Variants in NCKAP5 observed in about 807,000 individuals in gnomAD.
NCKAP5 encodes the protein NCK associated protein 5.
In NCKAP5, 92 loss-of-function variants were observed where a neutral mutation model predicts 167.0. The observed-to-expected ratio is 0.55, with a 90% CI of 0.47 to 0.66. NCKAP5 has a LOEUF of 0.66. NCKAP5 is among the 30% of genes least tolerant of loss of function. NCKAP5 has a pLI of 0.00. For missense variants in NCKAP5, 2,378 were observed against 2,315.0 expected, an observed-to-expected ratio of 1.03 and a Z score of -0.56; for synonymous variants, 891 against 877.4, an observed-to-expected ratio of 1.02 and a Z score of -0.27.
intron 3 of NCKAP5, among the ~76,000 whole-genome samples, chr2:133,349,384 C>G (rs1304060966): frequency 2.6e-5 from 4 of 152,232 alleles, no homozygotes; most frequent in Non-Finnish European, 5.9e-5. Context: ...ACACCTGGTT[C>G]ATACTCAGCC....
At chr2:133,316,515 T>C (rs1020079525) in intron 3 of NCKAP5, among the ~76,000 whole-genome samples, 1 of 152,198 alleles carries the variant, frequency 6.6e-6, no homozygotes, top group Non-Finnish European at 1.5e-5. Flanking sequence ...CTTCCTGCAG[T>C]GTGAGGAGAT....
chr2:133,208,851 T>C (rs1200882441), intron 5 of NCKAP5, among the ~76,000 whole-genome samples: 1 of 152,166 alleles, frequency 6.6e-6, no homozygotes, highest in African/African-American at 2.4e-5. Flanking sequence ...TCATTTTCTA[T>C]TTTCAGGACT....
chr2:133,061,345 A>G (rs979271941), intron 6 of NCKAP5, among the ~76,000 whole-genome samples: 1 of 152,222 alleles, frequency 6.6e-6, no homozygotes, highest in Non-Finnish European at 1.5e-5. Context: ...CACGCTAGGC[A>G]CCGTACTATA....
chr2:133,526,029 A>T (rs1434637927), intron 2 of NCKAP5, among the ~76,000 whole-genome samples: 2 of 152,154 alleles, frequency 1.3e-5, no homozygotes, highest in East Asian at 3.8e-4. Context: ...CTCTGTTGGT[A>T]TAATCACTCA....
intron 5 of NCKAP5, among the ~76,000 whole-genome samples, chr2:133,197,595 G>A (rs1394578596): frequency 6.6e-6 from 1 of 151,934 alleles, no homozygotes; most frequent in African/African-American, 2.4e-5. Context: ...TGACACAGAT[G>A]TTGGTTTAAA....
At chr2:133,052,050 T>C (rs1298230018) in intron 6 of NCKAP5, among the ~76,000 whole-genome samples, 1 of 152,222 alleles carries the variant, frequency 6.6e-6, no homozygotes, top group Non-Finnish European at 1.5e-5. Context: ...TCTCTGTGCC[T>C]ACTAGCTACC....
At chr2:132,967,865 G>A (rs1330431962) in intron 7 of NCKAP5, among the ~76,000 whole-genome samples, 1 of 152,200 alleles carries the variant, frequency 6.6e-6, no homozygotes, top group East Asian at 1.9e-4. Context: ...ATAGAGAGTG[G>A]TGTGGTTAGG....
intron 7 of NCKAP5, among the ~76,000 whole-genome samples, chr2:132,978,069 G>C (rs1335357496): frequency 2.0e-5 from 3 of 152,076 alleles, no homozygotes; most frequent in Non-Finnish European, 2.9e-5. Flanking sequence ...AGAGAGGAAA[G>C]GAAATTTAGA....
At chr2:133,058,519 G>A (rs1357197074) in intron 6 of NCKAP5, among the ~76,000 whole-genome samples, 3 of 152,134 alleles carry the variant, frequency 2.0e-5, no homozygotes, top group Non-Finnish European at 4.4e-5. Context: ...AACCTTCAGT[G>A]GTATAAGTAA....
chr2:132,975,208 T>C (rs969551647), intron 7 of NCKAP5, among the ~76,000 whole-genome samples: 6 of 152,236 alleles, frequency 3.9e-5, no homozygotes, highest in Admixed American at 3.3e-4. Flanking sequence ...GCAAAACATA[T>C]AAAACTCTTC....
chr2:132,794,341 C>G (rs78046384), intron 12 of NCKAP5, among the ~76,000 whole-genome samples: 24,219 of 95,104 alleles, frequency 0.25, 2,758 homozygotes, highest in Middle Eastern at 0.39. Context: ...GAGAGAGAGA[C>G]AGAGACAGAG....
chr2:133,297,591 C>T (rs1680060025), intron 4 of NCKAP5, among the ~76,000 whole-genome samples: 1 of 152,136 alleles, frequency 6.6e-6, no homozygotes, highest in African/African-American at 2.4e-5. Flanking sequence ...CTAGCAGCCC[C>T]CTCCATGGAG....
At chr2:133,187,149 G>T (rs537602733) in intron 5 of NCKAP5, among the ~76,000 whole-genome samples, 5 of 151,910 alleles carry the variant, frequency 3.3e-5, no homozygotes, top group African/African-American at 1.2e-4. Context: ...TTCATAAGTT[G>T]TGTCTCTATT....
At chr2:133,471,606 T>G (rs1679325786) in intron 3 of NCKAP5, among the ~76,000 whole-genome samples, 1 of 152,182 alleles carries the variant, frequency 6.6e-6, no homozygotes, top group African/African-American at 2.4e-5. Context: ...AGAAAGACAC[T>G]GCCTTGGGTG....
chr2:133,078,596 T>G (rs1281590822), intron 6 of NCKAP5, among the ~76,000 whole-genome samples: 1 of 151,872 alleles, frequency 6.6e-6, no homozygotes, highest in African/African-American at 2.4e-5. Context: ...AGTGTGAGAG[T>G]AGACAGAAAA....
Position 132,714,930 on chromosome 2 carries a change from C to T in NCKAP5, c.5713+10697G>A, listed in dbSNP as rs1185844056. ...CCAAAGGGCTCATGGCTTTGGGTTT[C>T]TAGGTTCTTGGAGGTTCACAGAGGA... On this transcript the variant is annotated intron_variant, in intron 19 of 19. Coordinates refer to ENST00000409261, the MANE Select transcript of NCKAP5 (RefSeq NM_207363.3). 4 of 453,978 alleles carry T rather than the reference C, an allele frequency of 8.8e-6. No homozygotes were observed. In the East Asian group the frequency reaches 2.8e-4, roughly 32 times the overall value. The allele number at this position is 453,978 out of a possible 1,614,324, so 28.1% of individuals were successfully genotyped here.
chr2:132,687,871 G>A (rs1686171840), intron 19 of NCKAP5, among the ~76,000 whole-genome samples: 1 of 152,064 alleles, frequency 6.6e-6, no homozygotes, highest in Admixed American at 6.6e-5. Flanking sequence ...CTCTTGGTCA[G>A]GGCCAATAAA....
chr2:132,730,735 C>G (rs1449541193), intron 17 of NCKAP5, among the ~76,000 whole-genome samples: 1 of 152,146 alleles, frequency 6.6e-6, no homozygotes, highest in Non-Finnish European at 1.5e-5. Flanking sequence ...AGATTTCGCC[C>G]CTGAATCTCT....
At chr2:133,421,418 C>A (rs1033694073) in intron 3 of NCKAP5, among the ~76,000 whole-genome samples, 11 of 152,306 alleles carry the variant, frequency 7.2e-5, no homozygotes, top group African/African-American at 2.4e-4. Context: ...ATGCATGAAT[C>A]AGCATCCAGC....
Sources: gnomAD v4.1 joint callset for allele counts (sites outside exome capture counted in the v4.1 genomes callset) on GRCh38, gnomAD v4.1.1 for gene constraint, MANE v1.5 for transcripts, NCBI Gene and HGNC (gene_info 2026-07-23, HGNC 2026-07-21) for gene names.